The following ADGRB3 variants were observed in gnomAD, a reference collection of about 807,000 sequenced individuals.
The protein encoded by ADGRB3 is brain-specific angiogenesis inhibitor 3.
Under a neutral mutation model 193.4 loss-of-function variants are expected in ADGRB3, and 37 were observed. That is an observed-to-expected ratio of 0.19 (90% CI 0.15 to 0.25). The LOEUF is 0.25. ADGRB3 is among the 10% of genes least tolerant of loss of function. The pLI is 1.00. For synonymous variants in ADGRB3, 690 were observed against 644.2 expected, an observed-to-expected ratio of 1.07 and a Z score of -1.08; for missense variants, 1,637 against 1,852.9, an observed-to-expected ratio of 0.88 and a Z score of 2.14.
At chr6:69,011,411 T>C (rs1769933577) in intron 11 of ADGRB3, among the ~76,000 whole-genome samples, 1 of 151,824 alleles carries the variant, frequency 6.6e-6, no homozygotes, top group Non-Finnish European at 1.5e-5. Context: ...CACTTATAAG[T>C]GGGAGCTAAA....
intron 17 of ADGRB3, among the ~76,000 whole-genome samples, chr6:69,156,621 C>A (rs779146431): frequency 1.3e-5 from 2 of 152,084 alleles, no homozygotes; most frequent in Non-Finnish European, 2.9e-5. Flanking sequence ...ACCCATTAGC[C>A]AAGAGAACAA....
intron 3 of ADGRB3, among the ~76,000 whole-genome samples, chr6:68,907,146 C>T (rs1193475142): frequency 1.3e-5 from 2 of 151,784 alleles, no homozygotes; most frequent in Non-Finnish European, 2.9e-5. Context: ...ATAGCTTTAG[C>T]ATATTTATTT....
chr6:69,070,977 C>A (rs1480420406), intron 16 of ADGRB3, among the ~76,000 whole-genome samples: 6 of 152,278 alleles, frequency 3.9e-5, no homozygotes, highest in Middle Eastern at 3.4e-3. Flanking sequence ...AAGTACTATC[C>A]ACTCTATTTT....
intron 17 of ADGRB3, among the ~76,000 whole-genome samples, chr6:69,228,345 A>T (rs1468370741): frequency 1.3e-5 from 2 of 152,254 alleles, no homozygotes; most frequent in African/African-American, 2.4e-5. Flanking sequence ...CAAAGTCGAC[A>T]TAATATAGTT....
intron 3 of ADGRB3, among the ~76,000 whole-genome samples, chr6:68,659,681 C>T (rs111804800): frequency 2.3e-4 from 34 of 150,688 alleles, no homozygotes; most frequent in African/African-American, 7.7e-4. Flanking sequence ...TTATATCATG[C>T]GAATTATGTG....
At chr6:68,734,540 G>T (rs1562009798) in intron 3 of ADGRB3, among the ~76,000 whole-genome samples, 1 of 151,936 alleles carries the variant, frequency 6.6e-6, no homozygotes, top group African/African-American at 2.4e-5. Context: ...AGAGCCGTCT[G>T]TATATTTAAA....
rs139326424 is a variant in ADGRB3 at position 68,859,208 on chromosome 6, C to A, written c.758-71351C>A. 4.5e-4 allele frequency among the ~76,000 whole-genome samples: 69 copies of A among 152,298 alleles called. 2 individuals carry two copies. In the East Asian group the frequency reaches 0.012, roughly 27 times the overall value. ...GCATGATCTTTACTCCAGTTCCCAA[C>A]AAATTCCCCATCTCCATCTGAGACC... On this transcript the variant is annotated intron_variant, in intron 3 of 31. Coordinates refer to ENST00000370598, the MANE Select transcript of ADGRB3 (RefSeq NM_001704.3).
chr6:69,101,216 T>C (rs1160168911), intron 17 of ADGRB3, among the ~76,000 whole-genome samples: 1 of 151,758 alleles, frequency 6.6e-6, no homozygotes, highest in Non-Finnish European at 1.5e-5. Context: ...GCTTCCAGAG[T>C]GAAAAACTGC....
chr6:68,654,514 T>G (rs1384083586), intron 3 of ADGRB3, among the ~76,000 whole-genome samples: 1 of 151,938 alleles, frequency 6.6e-6, no homozygotes, highest in African/African-American at 2.4e-5. Context: ...TTTCTTCTTA[T>G]GTATTGTGAA....
intron 3 of ADGRB3, among the ~76,000 whole-genome samples, chr6:68,650,843 A>G (rs1396312079): frequency 6.6e-6 from 1 of 152,152 alleles, no homozygotes; most frequent in African/African-American, 2.4e-5. Context: ...AAAAGAAGTA[A>G]CTGAAAAAAA....
intron 26 of ADGRB3, among the ~76,000 whole-genome samples, chr6:69,350,750 C>A (rs1769203953): frequency 6.6e-6 from 1 of 151,944 alleles, no homozygotes; most frequent in African/African-American, 2.4e-5. Context: ...AAAGCAAGAT[C>A]TAGAATCTGT....
chr6:68,993,656 C>T (rs1043424050), intron 10 of ADGRB3, 112 bp from the exon 11 acceptor site: 9 of 1,109,566 alleles, frequency 8.1e-6, no homozygotes, highest in Admixed American at 2.2e-5. Context: ...CCAAGCATTG[C>T]AAGGCTATTT....
intron 17 of ADGRB3, among the ~76,000 whole-genome samples, chr6:69,102,188 A>AT (rs1220323053): frequency 6.6e-6 from 1 of 151,854 alleles, no homozygotes; most frequent in Non-Finnish European, 1.5e-5. Flanking sequence ...AAAAAAAAAA[A>AT]AAAAAAAGAC....
intron 10 of ADGRB3, among the ~76,000 whole-genome samples, chr6:68,975,845 A>G (rs1311307856): frequency 6.6e-6 from 1 of 152,196 alleles, no homozygotes; most frequent in East Asian, 1.9e-4. Flanking sequence ...AAAAGATTAC[A>G]TGGGCCAAAT....
At chr6:69,376,418 T>A (rs1769822688) in intron 30 of ADGRB3, among the ~76,000 whole-genome samples, 2 of 151,828 alleles carry the variant, frequency 1.3e-5, no homozygotes, top group South Asian at 2.1e-4. Context: ...TTTAAAAACA[T>A]TTTAGGATAT....
chr6:68,906,630 CT>C (rs1473514243), intron 3 of ADGRB3, among the ~76,000 whole-genome samples: 2 of 151,864 alleles, frequency 1.3e-5, no homozygotes, highest in Non-Finnish European at 2.9e-5. Flanking sequence ...TTATGACTCT[CT>C]TAAAAGTATT....
At chr6:68,893,182 T>C (rs1380824731) in intron 3 of ADGRB3, among the ~76,000 whole-genome samples, 1 of 152,092 alleles carries the variant, frequency 6.6e-6, no homozygotes, top group Non-Finnish European at 1.5e-5. Flanking sequence ...AGAGAAAGGA[T>C]CTGTTATTGC....
chr6:69,073,042 A>G (rs1251902856), intron 16 of ADGRB3, among the ~76,000 whole-genome samples: 4 of 152,208 alleles, frequency 2.6e-5, no homozygotes, highest in Non-Finnish European at 5.9e-5. Flanking sequence ...AGCATAGGCC[A>G]TGACACTCCA....
chr6:69,388,604 C>T lies in ADGRB3; in HGVS notation c.4381-99C>T, dbSNP rs1018071353. 2.6e-6 allele frequency: 3 copies of T among 1,163,630 alleles called. No individual in the cohort carries two copies. The African/African-American group carries it at 4.7e-5, about 18-fold the overall frequency. The allele number at this position is 1,163,630 out of a possible 1,614,324, so 72.1% of individuals were successfully genotyped here. ...TCAAGTCATCTCTGCATCACAGAAA[C>T]TGGATTAAGATTACAAACACGCTCT... On this transcript the variant is annotated intron_variant, in intron 31 of 31. Transcript: ENST00000370598.
Sources: allele counts gnomAD v4.1 joint callset (sites outside exome capture counted in the v4.1 genomes callset), GRCh38; gene constraint gnomAD v4.1.1; transcripts MANE v1.5; gene names NCBI Gene and HGNC (gene_info 2026-07-23, HGNC 2026-07-21).